CTDP1: variants seen among roughly 807,000 people sequenced by gnomAD.
CTDP1 encodes the protein RNA polymerase II subunit A C-terminal domain phosphatase.
Under a neutral mutation model 91.8 loss-of-function variants are expected in CTDP1, and 47 were observed. That is an observed-to-expected ratio of 0.51 (90% CI 0.41 to 0.65). CTDP1 has a LOEUF of 0.65. CTDP1 is among the 30% of genes least tolerant of loss of function. The pLI is 0.00. For missense variants in CTDP1, 1,272 were observed against 1,373.7 expected (o/e 0.93, Z 1.17); for synonymous variants, 656 against 598.5 (o/e 1.10, Z -1.40).
rs114136340 is a variant in CTDP1, at chr18:79,708,987, C to T, written c.773-1359C>T. Among the ~76,000 whole-genome samples, 997 of 152,366 alleles carry T rather than the reference C, an allele frequency of 6.5e-3. 15 individuals carry two copies. Among genetic ancestry groups the T allele is most frequent in the African/African-American group, 0.022 (931 of 41,582 alleles). On this transcript the variant is annotated intron_variant, in intron 5 of 12. Coordinates refer to ENST00000613122, the MANE Select transcript of CTDP1 (RefSeq NM_004715.5). Reference sequence around the variant, plus strand: ...ACGTTATGTGGGTGCCATGGAATACCTATCTCTTGAGGTATGTGCAGATTT... The same window carrying T: ...ACGTTATGTGGGTGCCATGGAATACTTATCTCTTGAGGTATGTGCAGATTT...
chr18:79,693,211 G>A (rs1039912613), intron 1 of CTDP1, among the ~76,000 whole-genome samples: 4 of 152,190 alleles, frequency 2.6e-5, no homozygotes, highest in African/African-American at 7.2e-5. Context: ...TGTGGTGACC[G>A]GGAGGGAGGA....
intron 6 of CTDP1, among the ~76,000 whole-genome samples, chr18:79,712,642 A>G (rs1232413019): frequency 3.3e-5 from 5 of 152,206 alleles, no homozygotes; most frequent in African/African-American, 1.2e-4. Context: ...TTGTTTGTAC[A>G]TGAAGTTTTA....
At chr18:79,693,581 TAA>T (rs1192076126) in intron 1 of CTDP1, among the ~76,000 whole-genome samples, 2 of 152,116 alleles carry the variant, frequency 1.3e-5, no homozygotes, top group African/African-American at 4.8e-5. Context: ...GGGACGTGAG[TAA>T]ACGCGGAATC....
intron 1 of CTDP1, among the ~76,000 whole-genome samples, chr18:79,683,554 A>G (rs2085420076): frequency 1.3e-5 from 2 of 152,200 alleles, no homozygotes; most frequent in African/African-American, 4.8e-5. Context: ...TTGGTGAGAG[A>G]GAGCAGGTCC....
rs77409154 is a variant in CTDP1, at chr18:79,683,537, G to A, written c.314+3276G>A. Among the ~76,000 whole-genome samples, 937 of 152,300 alleles carry A rather than the reference G, an allele frequency of 6.2e-3. 42 individuals carry two copies. The East Asian group carries it at 0.12, about 19-fold the overall frequency. ...GACCTCCCAGCACCAATGGAACCCC[G>A]TGGCTCTTGGTGAGAGAGAGCAGGT... is the stretch of plus-strand genomic sequence containing the variant. On this transcript the variant is annotated intron_variant, in intron 1 of 12. Coordinates refer to ENST00000613122, the MANE Select transcript of CTDP1 (RefSeq NM_004715.5).
upstream of CTDP1, chr18:79,679,623 G>A (rs1184991824): frequency 1.2e-5 from 6 of 486,014 alleles, no homozygotes; most frequent in Non-Finnish European, 2.0e-5. Flanking sequence ...GCATGCCGCT[G>A]CTCCACGGTG....
At chr18:79,688,141 G>A (rs1217269988) in intron 1 of CTDP1, among the ~76,000 whole-genome samples, 1 of 152,266 alleles carries the variant, frequency 6.6e-6, no homozygotes, top group Non-Finnish European at 1.5e-5. Context: ...TGGGCTCTGG[G>A]CGACTGAACC....
At chr18:79,689,186 A>G (rs781194326) in intron 1 of CTDP1, among the ~76,000 whole-genome samples, 3 of 152,064 alleles carry the variant, frequency 2.0e-5, no homozygotes, top group Non-Finnish European at 2.9e-5. Context: ...TTTCTGTATC[A>G]TTGCCTGGTT....
chr18:79,739,239 T>G (rs1187089953), intron 12 of CTDP1, among the ~76,000 whole-genome samples: 1 of 152,152 alleles, frequency 6.6e-6, no homozygotes, highest in East Asian at 1.9e-4. Context: ...GCTTTTCCAC[T>G]AAGACCAGTC....
At chr18:79,754,943 C>T (rs369742305), downstream of CTDP1, 1 of 152,316 alleles carries the variant, frequency 6.6e-6, no homozygotes, top group African/African-American at 2.4e-5. Context: ...AAAGCACACA[C>T]TCCTGCTTTC....
At chr18:79,684,081 C>A (rs12607837) in intron 1 of CTDP1, among the ~76,000 whole-genome samples, 1 of 152,252 alleles carries the variant, frequency 6.6e-6, no homozygotes, top group South Asian at 2.1e-4. Flanking sequence ...CCTGAGTGTG[C>A]TAAGCTCAAG....
chr18:79,715,479 G>A lies in CTDP1; in HGVS notation c.2019G>A (p.Leu673=), dbSNP rs1469459099. The part of the protein sequence containing the change: ...LGAKILTRLV[L]SPDAPDRATH... Reference sequence around the variant, plus strand: ...CGAAGATCCTCACTCGGCTGGTGCTGAGCCCCGACGCCCCTGACAGGGCCA... The same window carrying A: ...CGAAGATCCTCACTCGGCTGGTGCTAAGCCCCGACGCCCCTGACAGGGCCA... The change falls in exon 8 of 13, where the codon CTG becomes CTA. Residue 673 remains leucine (L), a synonymous_variant. Coordinates refer to ENST00000613122, the MANE Select transcript of CTDP1 (RefSeq NM_004715.5). 1 of 1,579,078 alleles carries A rather than the reference G, an allele frequency of 6.3e-7. No individual in the cohort carries two copies. The highest frequency in any genetic ancestry group is 1.8e-5 in the Admixed American group (1 of 55,508).
chr18:79,723,808 C>G (rs1327915978), intron 10 of CTDP1, among the ~76,000 whole-genome samples: 1 of 152,196 alleles, frequency 6.6e-6, no homozygotes, highest in Non-Finnish European at 1.5e-5. Context: ...TGGCCCTCCA[C>G]CTGCTGTCCC....
chr18:79,715,028 C>T lies in CTDP1; in HGVS notation c.1568C>T (p.Ala523Val). ...GGAGAGGCCGAGCCTGGCGCGCATGCCCCGGACAAGGAGCCTGAGCTGGGT... is the reference window on the plus strand; with the variant it reads ...GGAGAGGCCGAGCCTGGCGCGCATGTCCCGGACAAGGAGCCTGAGCTGGGT... ...LPGEAEPGAH[A>V]PDKEPELGGQ... The change falls in exon 8 of 13, where the codon GCC becomes GTC. Residue 523 changes from alanine (A) to valine (V), a missense_variant. Physicochemically the swap from Ala to Val is moderately conservative, Grantham distance 64 (BLOSUM62 0). Transcript: ENST00000613122. 6.2e-7 allele frequency: 1 copy of T among 1,603,412 alleles called. No homozygotes were observed. The highest frequency in any genetic ancestry group is 8.5e-7 in the Non-Finnish European group (1 of 1,175,982).
intron 1 of CTDP1, among the ~76,000 whole-genome samples, chr18:79,686,875 C>T (rs961722556): frequency 6.0e-5 from 9 of 149,100 alleles, no homozygotes; most frequent in Non-Finnish European, 1.0e-4. Flanking sequence ...TGGGCCTGCA[C>T]CGCAGCAGTT....
chr18:79,741,086 C>T (rs1490584404), intron 12 of CTDP1, among the ~76,000 whole-genome samples: 1 of 150,866 alleles, frequency 6.6e-6, no homozygotes, highest in African/African-American at 2.4e-5. Context: ...GTCCCTTAGC[C>T]CATGGTTGGG....
chr18:79,735,131 T>C (rs1255998565), intron 11 of CTDP1, among the ~76,000 whole-genome samples: 1 of 151,750 alleles, frequency 6.6e-6, no homozygotes, highest in Non-Finnish European at 1.5e-5. Flanking sequence ...ACACCGAGTC[T>C]CTGTGACTCT....
chr18:79,722,627 C>T (rs1259256328), intron 10 of CTDP1, among the ~76,000 whole-genome samples: 3 of 152,166 alleles, frequency 2.0e-5, no homozygotes, highest in African/African-American at 4.8e-5. Flanking sequence ...ATCTTTGTCA[C>T]GTTAAGGAAA....
At chr18:79,705,540 T>C (rs2085949878) in intron 5 of CTDP1, among the ~76,000 whole-genome samples, 1 of 151,650 alleles carries the variant, frequency 6.6e-6, no homozygotes, top group Non-Finnish European at 1.5e-5. Flanking sequence ...CTGTTCCACG[T>C]GGACGAAGCA....
Sources: allele counts gnomAD v4.1 joint callset (sites outside exome capture counted in the v4.1 genomes callset), GRCh38; gene constraint gnomAD v4.1.1; transcripts MANE v1.5; gene names NCBI Gene and HGNC (gene_info 2026-07-23, HGNC 2026-07-21).